PIK3CA: variants seen among roughly 807,000 people sequenced by gnomAD.
PIK3CA encodes phosphatidylinositol 4,5-bisphosphate 3-kinase catalytic subunit alpha isoform.
In PIK3CA, 27 loss-of-function variants were observed where a neutral mutation model predicts 138.2. The observed-to-expected ratio is 0.20, with a 90% CI of 0.14 to 0.27. The LOEUF (loss-of-function observed/expected upper bound fraction) is 0.27, where lower values mean the gene tolerates loss of function less well. Ranked by LOEUF, PIK3CA falls within the 10% of genes least tolerant of loss-of-function variation. The probability of loss-of-function intolerance (pLI) is 1.00; values close to 1 mark genes in which losing one functional copy is unlikely to be tolerated. For missense variants in PIK3CA, 544 were observed against 1,277.4 expected (o/e 0.43, Z 8.75); for synonymous variants, 358 against 413.2 (o/e 0.87, Z 1.62).
At chr3:179,222,334 A>G (rs945091258) in intron 14 of PIK3CA, among the ~76,000 whole-genome samples, 1 of 152,132 alleles carries the variant, frequency 6.6e-6, no homozygotes, top group African/African-American at 2.4e-5. Context: ...CAAATATAGG[A>G]TGGTAGAAAA....
intron 10 of PIK3CA, 30 bp downstream of exon 10, chr3:179,218,364 C>T: frequency 6.4e-7 from 1 of 1,562,716 alleles, no homozygotes. Flanking sequence ...TTCTCTGTTT[C>T]TTTTTCTTTA....
At chr3:179,175,813 A>G (rs115002330) in intron 1 of PIK3CA, among the ~76,000 whole-genome samples, 1 of 151,146 alleles carries the variant, frequency 6.6e-6, no homozygotes, top group Non-Finnish European at 1.5e-5. Context: ...CCTCTGTCCC[A>G]TCATTCTCTG....
At chr3:179,157,525 T>C (rs371733384) in intron 1 of PIK3CA, among the ~76,000 whole-genome samples, 1 of 152,292 alleles carries the variant, frequency 6.6e-6, no homozygotes, top group Admixed American at 6.5e-5. Context: ...TGAGTAAATC[T>C]ACCAGTGTAT....
At chr3:179,173,325 G>A (rs1387208936) in intron 1 of PIK3CA, among the ~76,000 whole-genome samples, 1 of 150,382 alleles carries the variant, frequency 6.6e-6, no homozygotes, top group Non-Finnish European at 1.5e-5. Flanking sequence ...TTGGGAGGCT[G>A]AGGCGGGTTG....
intron 1 of PIK3CA, among the ~76,000 whole-genome samples, chr3:179,156,207 A>G (rs1339779163): frequency 2.0e-5 from 3 of 152,242 alleles, no homozygotes; most frequent in African/African-American, 7.2e-5. Context: ...TTGGAAAAGA[A>G]TGGAGTGGAA....
intron 1 of PIK3CA, among the ~76,000 whole-genome samples, chr3:179,191,790 C>T (rs558497882): frequency 6.2e-4 from 94 of 152,160 alleles, no homozygotes; most frequent in Non-Finnish European, 1.1e-3. Context: ...GCTCCCGCCA[C>T]CAGGGCCCAG....
At chr3:179,187,623 C>T (rs1157429492) in intron 1 of PIK3CA, among the ~76,000 whole-genome samples, 2 of 150,194 alleles carry the variant, frequency 1.3e-5, no homozygotes, top group Admixed American at 1.3e-4. Context: ...TTACATATAC[C>T]ATCTCATTTA....
At chr3:179,194,704 T>G (rs1250146188) in intron 1 of PIK3CA, among the ~76,000 whole-genome samples, 2 of 152,170 alleles carry the variant, frequency 1.3e-5, no homozygotes. Context: ...TCTTTCATGG[T>G]CTGACTTTAT....
chr3:179,203,164 T>C (rs537488285), intron 4 of PIK3CA, among the ~76,000 whole-genome samples: 2 of 152,034 alleles, frequency 1.3e-5, no homozygotes, highest in South Asian at 4.1e-4. Context: ...ATGGTCTCGA[T>C]CTCCTGACCT....
At chr3:179,164,625 T>C (rs1236927451) in intron 1 of PIK3CA, among the ~76,000 whole-genome samples, 2 of 152,172 alleles carry the variant, frequency 1.3e-5, no homozygotes, top group African/African-American at 4.8e-5. Context: ...CCCAGCACTT[T>C]GGGAGGCCAA....
At chr3:179,173,404 CAAA>C (rs749831764) in intron 1 of PIK3CA, among the ~76,000 whole-genome samples, 2 of 43,110 alleles carry the variant, frequency 4.6e-5, no homozygotes, top group Non-Finnish European at 9.3e-5. Context: ...GCTAAAAATA[CAAA>C]AAAAAAAAAA....
intron 1 of PIK3CA, among the ~76,000 whole-genome samples, chr3:179,180,998 T>C (rs1303119299): frequency 6.6e-6 from 1 of 152,114 alleles, no homozygotes; most frequent in Non-Finnish European, 1.5e-5. Flanking sequence ...AAGAGAAAGG[T>C]CGGAGAGAGT....
chr3:179,154,070 T>A (rs1162354049), intron 1 of PIK3CA, among the ~76,000 whole-genome samples: 1 of 152,192 alleles, frequency 6.6e-6, no homozygotes, highest in African/African-American at 2.4e-5. Flanking sequence ...TTTAGGGAGT[T>A]TTAAGTTAAA....
rs1005039832 is a variant in PIK3CA, at chr3:179,148,422, G to A, written c.-258G>A. 1 of 151,130 alleles carries A rather than the reference G, an allele frequency of 6.6e-6. No homozygotes were observed. The highest frequency in any genetic ancestry group is 1.5e-5 in the Non-Finnish European group (1 of 67,650). The allele number at this position is 151,130 out of a possible 1,614,324, so 9.4% of individuals were successfully genotyped here. ...GCTGCTGCCGCGGCCGCTGGGACTG[G>A]GGCTGGGGCCGCCGGCGAGGCAGGG... On this transcript the variant is annotated 5_prime_UTR_variant, in exon 1 of 21. Transcript: ENST00000263967.
At position 179,210,554 on chromosome 3, in the gene PIK3CA, C is replaced by A. The variant is rs199747934; in HGVS notation, c.1528C>A (p.His510Asn). The A allele has an allele frequency of 5.1e-5, 83 of 1,613,666 alleles. No homozygotes were observed. Among genetic ancestry groups the A allele is most frequent in the Non-Finnish European group, 6.8e-5 (80 of 1,179,848 alleles). ...CCGAGAAGCAGGATTTAGCTATTCC[C>A]ACGCAGGACTGGTAAGGCAAATCAC... ...VSREAGFSYS[H>N]AGLSNRLARD... Residue 510 changes from histidine (H) to asparagine (N), a missense_variant, in exon 9 of 21, where the codon CAC becomes AAC. Around this residue, in one of 14 missense-constraint regions of PIK3CA, gnomAD observed 52 missense variants for 83.4 expected, o/e 0.62. Transcript: ENST00000263967.
In PIK3CA at chr3:179,171,420, A is replaced by G. The variant is rs143183426; in HGVS notation, c.-77+22817A>G. ...AGAAAGAGTAAAGTGTACCAAAGTAAGTAGAAGAAAGGGAGTAATAAAGAT... is the reference window on the plus strand; with the variant it reads ...AGAAAGAGTAAAGTGTACCAAAGTAGGTAGAAGAAAGGGAGTAATAAAGAT... On this transcript the variant is annotated intron_variant, in intron 1 of 20. Transcript: ENST00000263967. 6.8e-3 allele frequency among the ~76,000 whole-genome samples: 1,031 copies of G among 152,270 alleles called. 64 individuals are homozygous for G. In the South Asian group the frequency reaches 0.14, roughly 20 times the overall value.
At chr3:179,175,944 C>G (rs1197416732) in intron 1 of PIK3CA, among the ~76,000 whole-genome samples, 1 of 152,152 alleles carries the variant, frequency 6.6e-6, no homozygotes, top group Non-Finnish European at 1.5e-5. Flanking sequence ...ACCGAAAGCT[C>G]TGGGTGTGAA....
At position 179,210,320 on chromosome 3, in the gene PIK3CA, T is replaced by G. The variant is rs1393706668; in HGVS notation, c.1386T>G (p.Thr462=). The G allele has an allele frequency of 1.3e-6, 2 of 1,587,222 alleles. No individual in the cohort carries two copies. Among genetic ancestry groups the G allele is most frequent in the Non-Finnish European group, 1.7e-6 (2 of 1,173,542 alleles). Residue 462 remains threonine, a synonymous_variant, in exon 8 of 21, where the codon ACT becomes ACG. Transcript: ENST00000263967. ...ATTTGCTGAACCCTATTGGTGTTAC[T>G]GGATCAAATCCAAATAAAGTAAGGT... ...LEDLLNPIGV[T]GSNPNKETPC...
intron 1 of PIK3CA, among the ~76,000 whole-genome samples, chr3:179,151,479 T>C (rs889680665): frequency 5.9e-5 from 9 of 152,228 alleles, no homozygotes; most frequent in Non-Finnish European, 1.3e-4. Flanking sequence ...CAATCCTGGC[T>C]ACACATTAGA....
Sources: gnomAD v4.1 joint callset for allele counts (sites outside exome capture counted in the v4.1 genomes callset) on GRCh38, gnomAD v4.1.1 for gene constraint, gnomAD v4.1.1 regional missense constraint, MANE v1.5 for transcripts, NCBI Gene and HGNC (gene_info 2026-07-23, HGNC 2026-07-21) for gene names.